The following PTPRQ variants were observed in gnomAD, a reference collection of about 807,000 sequenced individuals.
The protein encoded by PTPRQ is phosphatidylinositol phosphatase PTPRQ.
PTPRQ carries 199 observed loss-of-function variants against 246.0 expected under a neutral mutation model. That is an observed-to-expected ratio of 0.81 (90% CI 0.72 to 0.91). The LOEUF is 0.91. Ranked by LOEUF, PTPRQ falls within the 40% of genes least tolerant of loss-of-function variation. The pLI, the probability that PTPRQ is intolerant of heterozygous loss-of-function variation, is 0.00. For missense variants in PTPRQ, 2,624 were observed against 2,528.4 expected, an observed-to-expected ratio of 1.04 and a Z score of -0.81; for synonymous variants, 869 against 853.2, an observed-to-expected ratio of 1.02 and a Z score of -0.32.
At chr12:80,628,210 T>C (rs972595237) in intron 33 of PTPRQ, among the ~76,000 whole-genome samples, 33 of 152,210 alleles carry the variant, frequency 2.2e-4, no homozygotes, top group African/African-American at 7.9e-4. Context: ...TATAAAAAAA[T>C]GTACCTAAAA....
intron 25 of PTPRQ, among the ~76,000 whole-genome samples, chr12:80,561,915 G>T (rs190285465): frequency 6.6e-6 from 1 of 152,100 alleles, no homozygotes; most frequent in East Asian, 1.9e-4. Flanking sequence ...GTTAGCTGTA[G>T]GTTCCTCTTT....
At chr12:80,671,401 C>A (rs1900965662) in intron 42 of PTPRQ, among the ~76,000 whole-genome samples, 1 of 152,070 alleles carries the variant, frequency 6.6e-6, no homozygotes, top group Admixed American at 6.6e-5. Flanking sequence ...ATGATTAAAA[C>A]CTTTGATGGA....
intron 7 of PTPRQ, among the ~76,000 whole-genome samples, chr12:80,470,348 T>C (rs1347895292): frequency 3.3e-5 from 5 of 149,672 alleles, no homozygotes; most frequent in African/African-American, 4.9e-5. Context: ...ATAGTTGTGT[T>C]GGTGGGAGCC....
chr12:80,625,524 C>G (rs1188982477), intron 33 of PTPRQ, among the ~76,000 whole-genome samples: 1 of 152,116 alleles, frequency 6.6e-6, no homozygotes, highest in Non-Finnish European at 1.5e-5. Context: ...AATTATGCCT[C>G]TCAGAGACGT....
intron 19 of PTPRQ, among the ~76,000 whole-genome samples, chr12:80,538,513 G>A (rs1224101940): frequency 2.6e-5 from 4 of 152,156 alleles, no homozygotes; most frequent in Non-Finnish European, 2.9e-5. Flanking sequence ...TAAAGTAGAT[G>A]TATTGGAAGG....
intron 35 of PTPRQ, among the ~76,000 whole-genome samples, chr12:80,638,440 C>T (rs1899738260): frequency 6.6e-6 from 1 of 152,004 alleles, no homozygotes; most frequent in African/African-American, 2.4e-5. Flanking sequence ...AGAAGAATCT[C>T]TAATCAATAA....
Position 80,542,380 on chromosome 12 carries a change from C to T in PTPRQ, c.3721+16C>T. The T allele has an allele frequency of 6.6e-7, 1 of 1,518,562 alleles. No homozygotes were observed. 94.1% of individuals were successfully genotyped at this position (1,518,562 alleles called of 1,614,324 possible). A position where few individuals can be genotyped will look rare whatever the true frequency, so the allele number is the denominator to read the frequency against. ...GATGAGTCAGGTAAGCCAGAATCCA[C>T]ATTTCTTCAAACAATTTCACTGTTG... On this transcript the variant is annotated intron_variant, in intron 22 of 44. Transcript: ENST00000644991.
chr12:80,658,931 G>C (rs11114549), intron 39 of PTPRQ, among the ~76,000 whole-genome samples: 1 of 151,674 alleles, frequency 6.6e-6, no homozygotes, highest in Non-Finnish European at 1.5e-5. Flanking sequence ...TTTCTCCAAC[G>C]TCAAACATAC....
Position 80,472,138 on chromosome 12 carries a change from A to G in PTPRQ, c.1073A>G (p.Lys358Arg). The change falls in exon 8 of 45, where the codon AAG becomes AGG. Residue 358 changes from lysine to arginine, a missense_variant. Lys to Arg is a conservative substitution (Grantham distance 26). Coordinates refer to ENST00000644991, the MANE Select transcript of PTPRQ (RefSeq NM_001145026.2). Reference protein sequence around the residue: ...RILDNSTKDLKFAFTNLTPFT... With the variant: ...RILDNSTKDLRFAFTNLTPFT... ...TTGGATAACAGCACAAAAGACCTCAAGTTTGCATTCACTAACCTAACACCA... is the reference window on the plus strand; with the variant it reads ...TTGGATAACAGCACAAAAGACCTCAGGTTTGCATTCACTAACCTAACACCA... 1 of 1,551,576 alleles carries G rather than the reference A, an allele frequency of 6.4e-7. No individual in the cohort carries two copies. The highest frequency in any genetic ancestry group is 1.2e-5 in the South Asian group (1 of 84,016).
At chr12:80,653,208 G>C (rs964878137) in intron 38 of PTPRQ, among the ~76,000 whole-genome samples, 2 of 152,144 alleles carry the variant, frequency 1.3e-5, no homozygotes, top group Non-Finnish European at 2.9e-5. Flanking sequence ...CAGCATAGCA[G>C]TGTTTTCCTA....
At chr12:80,470,054 G>C (rs1231759038) in intron 7 of PTPRQ, among the ~76,000 whole-genome samples, 1 of 152,130 alleles carries the variant, frequency 6.6e-6, no homozygotes, top group Non-Finnish European at 1.5e-5. Context: ...AGAGAGTAAG[G>C]GTAGGGATAA....
chr12:80,619,053 T>C (rs1290338332), intron 30 of PTPRQ, among the ~76,000 whole-genome samples: 3 of 151,432 alleles, frequency 2.0e-5, no homozygotes, highest in Non-Finnish European at 3.0e-5. Flanking sequence ...ACTAAAATTA[T>C]AGTAAAAAGT....
intron 17 of PTPRQ, among the ~76,000 whole-genome samples, chr12:80,532,003 C>T (rs1469148350): frequency 6.6e-6 from 1 of 151,642 alleles, no homozygotes; most frequent in Non-Finnish European, 1.5e-5. Context: ...CAGGTAATTG[C>T]CTTGATTCTG....
intron 17 of PTPRQ, among the ~76,000 whole-genome samples, chr12:80,532,139 A>G (rs895753900): frequency 1.4e-4 from 21 of 152,158 alleles, no homozygotes; most frequent in Non-Finnish European, 4.4e-5. Context: ...ATTGAAATAC[A>G]TTTTTGAAAA....
At chr12:80,531,187 C>G (rs1309796283) in intron 17 of PTPRQ, among the ~76,000 whole-genome samples, 1 of 151,896 alleles carries the variant, frequency 6.6e-6, no homozygotes, top group Non-Finnish European at 1.5e-5. Context: ...TGAAAGTTAA[C>G]TCATAGAATG....
At chr12:80,601,368 A>G (rs1018107994) in intron 26 of PTPRQ, among the ~76,000 whole-genome samples, 5 of 151,786 alleles carry the variant, frequency 3.3e-5, no homozygotes, top group African/African-American at 1.2e-4. Context: ...TGCTAAATGA[A>G]AAGGGTTAAA....
intron 11 of PTPRQ, 38 bp from the exon 12 acceptor site, chr12:80,495,154 A>C: frequency 6.5e-7 from 1 of 1,547,906 alleles, no homozygotes. Flanking sequence ...ACACTGTGAT[A>C]CTTTTTTTTC....
At chr12:80,603,419 A>G (rs537353977) in intron 26 of PTPRQ, among the ~76,000 whole-genome samples, 1 of 151,788 alleles carries the variant, frequency 6.6e-6, no homozygotes, top group Non-Finnish European at 1.5e-5. Flanking sequence ...TTAACGTAAC[A>G]ATCAGGTACT....
intron 25 of PTPRQ, among the ~76,000 whole-genome samples, chr12:80,586,284 C>T (rs1263332847): frequency 6.6e-6 from 1 of 151,394 alleles, no homozygotes; most frequent in Non-Finnish European, 1.5e-5. Flanking sequence ...AGCCAAAAGA[C>T]ACATGAAAAA....
Sources: allele counts gnomAD v4.1 joint callset (sites outside exome capture counted in the v4.1 genomes callset), GRCh38; gene constraint gnomAD v4.1.1; transcripts MANE v1.5; gene names NCBI Gene and HGNC (gene_info 2026-07-23, HGNC 2026-07-21).